Variants in TMEM131L observed in about 807,000 individuals in gnomAD.
TMEM131L encodes the protein transmembrane 131 like.
A neutral mutation model predicts 192.2 loss-of-function variants in TMEM131L; 54 were observed. The observed-to-expected ratio is 0.28, with a 90% confidence interval of 0.23 to 0.35. The LOEUF (loss-of-function observed/expected upper bound fraction) is 0.35. TMEM131L is among the 10% of genes least tolerant of loss of function. The pLI is 1.00. For synonymous variants in TMEM131L, 701 were observed against 704.9 expected, an observed-to-expected ratio of 0.99 and a Z score of 0.09; for missense variants, 1,888 against 1,972.9, an observed-to-expected ratio of 0.96 and a Z score of 0.82.
chr4:153,628,411 G>A (rs548399539), intron 31 of TMEM131L, among the ~76,000 whole-genome samples: 15 of 152,274 alleles, frequency 9.9e-5, no homozygotes, highest in African/African-American at 3.4e-4. Flanking sequence ...TGCCTAACGT[G>A]GGTCAGGAAT....
chr4:153,523,624 G>T (rs1735270026), intron 3 of TMEM131L, among the ~76,000 whole-genome samples: 1 of 152,102 alleles, frequency 6.6e-6, no homozygotes, highest in East Asian at 1.9e-4. Context: ...TTTTGAAGAG[G>T]GTGCTAATGG....
intron 29 of TMEM131L, among the ~76,000 whole-genome samples, chr4:153,624,464 G>A (rs933057780): frequency 6.6e-6 from 1 of 152,224 alleles, no homozygotes; most frequent in African/African-American, 2.4e-5. Context: ...TGAAGATGTA[G>A]TTCCATTCCT....
rs1041761976 is a variant in TMEM131L, at chr4:153,635,516, A to G, written c.4502A>G (p.Asn1501Ser). ...GATCACAACTCTCAGTCTACCTGGA[A>G]CACCCCACCCAACATGCCTGCTGCC... ...FIDHNSQSTW[N>S]TPPNMPAAWG... The change falls in exon 34 of 35, where the codon AAC becomes AGC. Residue 1501 changes from asparagine to serine, a missense_variant. By Grantham distance (46) the Asn-to-Ser change is conservative (BLOSUM62 1). Coordinates refer to ENST00000409959, the MANE Select transcript of TMEM131L (RefSeq NM_001131007.2). 8.1e-6 allele frequency: 13 copies of G among 1,614,048 alleles called. No homozygotes were observed. In the Middle Eastern group the frequency reaches 9.9e-4, roughly 122 times the overall value.
At chr4:153,519,721 C>T (rs1734974935) in intron 3 of TMEM131L, among the ~76,000 whole-genome samples, 1 of 152,180 alleles carries the variant, frequency 6.6e-6, no homozygotes, top group African/African-American at 2.4e-5. Flanking sequence ...GCCCCACAGG[C>T]TTGAGGGTCA....
chr4:153,571,981 C>G (rs192006583), intron 7 of TMEM131L, among the ~76,000 whole-genome samples: 1 of 152,276 alleles, frequency 6.6e-6, no homozygotes, highest in East Asian at 1.9e-4. Flanking sequence ...AATGAGATCT[C>G]AAAGTATCTC....
chr4:153,484,702 T>C (rs1732191356), intron 3 of TMEM131L, among the ~76,000 whole-genome samples: 1 of 148,328 alleles, frequency 6.7e-6, no homozygotes, highest in Admixed American at 6.7e-5. Flanking sequence ...TCTCCTGACC[T>C]TGTGATCCGC....
At chr4:153,467,305 C>T (rs1177806016) in intron 2 of TMEM131L, 24 bp downstream of exon 2, 11 of 1,546,546 alleles carry the variant, frequency 7.1e-6, no homozygotes, top group African/African-American at 1.4e-5. Context: ...GGTGACAGGG[C>T]GGCTGTGGGT....
At chr4:153,569,474 C>A (rs914529686) in intron 7 of TMEM131L, among the ~76,000 whole-genome samples, 1 of 152,236 alleles carries the variant, frequency 6.6e-6, no homozygotes, top group African/African-American at 2.4e-5. Context: ...ATCCCAAATT[C>A]TTTTCAACTG....
At chr4:153,488,042 G>T (rs1419137571) in intron 3 of TMEM131L, among the ~76,000 whole-genome samples, 2 of 150,366 alleles carry the variant, frequency 1.3e-5, no homozygotes, top group African/African-American at 4.9e-5. Flanking sequence ...ACTGAGGGGT[G>T]TGTGTGTGTA....
chr4:153,586,307 C>G lies in TMEM131L; in HGVS notation c.1410C>G (p.Thr470=). ...AVKDIAINLF[T]NVFLTTNIGA... ...AAGACATTGCCATAAATCTATTCACCAATGTATTTTTGACTACAAACATAG... is the reference window on the plus strand; with the variant it reads ...AAGACATTGCCATAAATCTATTCACGAATGTATTTTTGACTACAAACATAG... The change falls in exon 14 of 35, where the codon ACC becomes ACG. Residue 470 remains threonine (T), a synonymous_variant. Transcript: ENST00000409959. The G allele has an allele frequency of 6.2e-7, 1 of 1,604,398 alleles. No homozygotes were observed. Among genetic ancestry groups the G allele is most frequent in the Non-Finnish European group, 8.5e-7 (1 of 1,176,284 alleles).
chr4:153,630,040 A>G (rs1025964553), intron 31 of TMEM131L, among the ~76,000 whole-genome samples: 2 of 152,252 alleles, frequency 1.3e-5, no homozygotes, highest in African/African-American at 2.4e-5. Context: ...GAGACTTTGC[A>G]TAACAAATGC....
chr4:153,596,022 C>T (rs560515636), intron 19 of TMEM131L, among the ~76,000 whole-genome samples: 1 of 152,252 alleles, frequency 6.6e-6, no homozygotes, highest in Non-Finnish European at 1.5e-5. Context: ...AGCAAATCCC[C>T]TCTCCAGCAT....
chr4:153,594,982 C>T (rs1332977098), intron 19 of TMEM131L, among the ~76,000 whole-genome samples: 1 of 152,108 alleles, frequency 6.6e-6, no homozygotes, highest in African/African-American at 2.4e-5. Flanking sequence ...TATTTTAAAT[C>T]TAAATATTCT....
At chr4:153,620,968 G>A in intron 27 of TMEM131L, 88 bp downstream of exon 27, 1 of 946,674 alleles carries the variant, frequency 1.1e-6, no homozygotes, top group East Asian at 2.8e-5. Flanking sequence ...ACTTATTTCG[G>A]TGATATTAGA....
At chr4:153,480,818 A>G (rs1483386702) in intron 3 of TMEM131L, among the ~76,000 whole-genome samples, 3 of 152,218 alleles carry the variant, frequency 2.0e-5, no homozygotes, top group African/African-American at 7.2e-5. Flanking sequence ...TTTAGCTTGC[A>G]GGTGCCACAA....
intron 32 of TMEM131L, 140 bp from the exon 33 acceptor site, chr4:153,634,051 CT>C (rs1734403477): frequency 2.8e-6 from 2 of 703,892 alleles, no homozygotes. Context: ...GATTCTGTGA[CT>C]TGAGAAAGTA....
chr4:153,480,517 CAAAAAA>C (rs1157080931), intron 3 of TMEM131L, among the ~76,000 whole-genome samples: 1 of 50,782 alleles, frequency 2.0e-5, no homozygotes, highest in Non-Finnish European at 3.7e-5. Flanking sequence ...GACTCCATCT[CAAAAAA>C]AAAAAAAAAA....
intron 25 of TMEM131L, among the ~76,000 whole-genome samples, chr4:153,612,017 T>TC (rs70963192): frequency 0.54 from 82,364 of 151,630 alleles, 22,520 homozygotes; most frequent in African/African-American, 0.58. Flanking sequence ...AATATTGGTG[T>TC]CCCCCCCCAC....
chr4:153,632,603 C>A, intron 31 of TMEM131L, 115 bp from the exon 32 acceptor site: 2 of 1,124,814 alleles, frequency 1.8e-6, no homozygotes, highest in South Asian at 1.5e-5. Context: ...AGGAGTTAGT[C>A]AGCATGTGTG....
Sources: allele counts gnomAD v4.1 joint callset (sites outside exome capture counted in the v4.1 genomes callset), GRCh38; gene constraint gnomAD v4.1.1; transcripts MANE v1.5; gene names NCBI Gene and HGNC (gene_info 2026-07-23, HGNC 2026-07-21).